EVC2: variants seen among roughly 807,000 people sequenced by gnomAD.
EVC2 encodes limbin.
EVC2 carries 148 observed loss-of-function variants against 149.3 expected under a neutral mutation model. The ratio of observed to expected loss-of-function variants is 0.99; its 90% CI spans 0.87 to 1.14. The LOEUF is 1.14. Among genes scored for constraint, EVC2 ranks in the 50% most tolerant of loss-of-function variants. The probability of loss-of-function intolerance (pLI) is 0.00; values close to 1 mark genes in which losing one functional copy is unlikely to be tolerated. For missense variants in EVC2, 1,854 were observed against 1,627.3 expected (o/e 1.14, Z -2.40); for synonymous variants, 776 against 649.9 (o/e 1.19, Z -2.95).
At chr4:5,680,313 G>A (rs997878573) in intron 7 of EVC2, among the ~76,000 whole-genome samples, 5 of 152,180 alleles carry the variant, frequency 3.3e-5, no homozygotes, top group African/African-American at 1.2e-4. Flanking sequence ...GTACATAATG[G>A]TATGTGCTAG....
At position 5,614,404 on chromosome 4, in the gene EVC2, T is replaced by A. The variant is rs563750581; in HGVS notation, c.2829+1018A>T. Among the ~76,000 whole-genome samples, 1 of 152,044 alleles carries A rather than the reference T, an allele frequency of 6.6e-6. No individual in the cohort carries two copies. Among genetic ancestry groups the A allele is most frequent in the Non-Finnish European group, 1.5e-5 (1 of 67,998 alleles). ...AACTGACACAGCGCCTGGGACACTG[T>A]TGCCTCCCCAAAATACTTGTGGAAC... On this transcript the variant is annotated intron_variant, in intron 16 of 21. Coordinates refer to ENST00000344408, the MANE Select transcript of EVC2 (RefSeq NM_147127.5). The surrounding 1 kb of genome is among the most constrained non-coding windows in gnomAD (Gnocchi z 4.7).
At position 5,637,724 on chromosome 4, in the gene EVC2, T is replaced by C. The variant is rs570531492; in HGVS notation, c.1470+2790A>G. Among the ~76,000 whole-genome samples the C allele has an allele frequency of 4.6e-5, 7 of 151,946 alleles. No individual in the cohort carries two copies. Among genetic ancestry groups the C allele is most frequent in the African/African-American group, 1.4e-4 (6 of 41,452 alleles). ...AGGCTGCCTGAGCCATCCCTGTATC[T>C]CCAGGGTTAGGTATACAATAGAAAC... On this transcript the variant is annotated intron_variant, in intron 10 of 21. Coordinates refer to ENST00000344408, the MANE Select transcript of EVC2 (RefSeq NM_147127.5). This position sits in a 1 kb window ranked among gnomAD's most constrained non-coding sequence, Gnocchi z 4.4.
At chr4:5,628,406 A>C (rs1230018601) in intron 12 of EVC2, among the ~76,000 whole-genome samples, 153 bp downstream of exon 12, 2 of 152,164 alleles carry the variant, frequency 1.3e-5, no homozygotes, top group East Asian at 3.9e-4. Context: ...TGAAGTAAGA[A>C]GGCCCTCACT....
rs888125202 is a variant in EVC2 at position 5,686,862 on chromosome 4, G to A, written c.707-1383C>T. Among the ~76,000 whole-genome samples, 7 of 152,124 alleles carry A rather than the reference G, an allele frequency of 4.6e-5. No individual in the cohort carries two copies. The East Asian group carries it at 1.4e-3, about 29-fold the overall frequency. The stretch of plus-strand genomic sequence containing the variant: ...TCCTTGGCGTAGCGGTGAGTTCACA[G>A]ATAAATATGATTTGGACACTGCCCT... On this transcript the variant is annotated intron_variant, in intron 5 of 21. Coordinates refer to ENST00000344408, the MANE Select transcript of EVC2 (RefSeq NM_147127.5). The surrounding 1 kb of genome is among the most constrained non-coding windows in gnomAD (Gnocchi z 5.4).
At chr4:5,673,690 G>A (rs1340935223) in intron 7 of EVC2, among the ~76,000 whole-genome samples, 1 of 152,212 alleles carries the variant, frequency 6.6e-6, no homozygotes, top group African/African-American at 2.4e-5. Context: ...CATTTATGAA[G>A]AGCGATGCTG....
chr4:5,606,519 A>G (rs1173177935), intron 16 of EVC2, among the ~76,000 whole-genome samples: 1 of 152,212 alleles, frequency 6.6e-6, no homozygotes, highest in South Asian at 2.1e-4. Context: ...AACTGATTCC[A>G]GGTAATTCAA....
chr4:5,670,853 TCAC>T lies in EVC2; in HGVS notation c.871-5207_871-5205del, dbSNP rs908969385. Among the ~76,000 whole-genome samples the T allele has an allele frequency of 6.6e-6, 1 of 151,860 alleles. No homozygotes were observed. The highest frequency in any genetic ancestry group is 2.4e-5 in the African/African-American group (1 of 41,320). On this transcript the variant is annotated intron_variant, in intron 7 of 21. Coordinates refer to ENST00000344408, the MANE Select transcript of EVC2 (RefSeq NM_147127.5). The surrounding 1 kb of genome is among the most constrained non-coding windows in gnomAD (Gnocchi z 5.2). ...ACTATCAACATCATCAATATCCCCATCACCACCATCATTATCAACATCATCAAT... is the reference window on the plus strand; with the variant it reads ...ACTATCAACATCATCAATATCCCCATCACCATCATTATCAACATCATCAAT...
chr4:5,689,130 C>T, intron 5 of EVC2, 27 bp downstream of exon 5: 1 of 1,612,968 alleles, frequency 6.2e-7, no homozygotes, highest in Non-Finnish European at 8.5e-7. Context: ...ATTTGTCATC[C>T]CTGACTTCAG....
Position 5,576,109 on chromosome 4 carries a change from A to G in EVC2, c.3272+131T>C, listed in dbSNP as rs776551200. 1 of 1,443,048 alleles carries G rather than the reference A, an allele frequency of 6.9e-7. No individual in the cohort carries two copies. The highest frequency in any genetic ancestry group is 9.6e-7 in the Non-Finnish European group (1 of 1,042,208). 89.4% of individuals were successfully genotyped at this position (1,443,048 alleles called of 1,614,324 possible). A position where few individuals can be genotyped will look rare whatever the true frequency, so the allele number is the denominator to read the frequency against. On this transcript the variant is annotated intron_variant, in intron 18 of 21. Transcript: ENST00000344408. The surrounding 1 kb of genome is among the most constrained non-coding windows in gnomAD (Gnocchi z 4.5). ...CTACAAAGCCAGCAGCTCGTGTTGG[A>G]GCAATGGGATGACACCTTAGGCAAG...
chr4:5,701,290 T>C (rs1029087133), intron 1 of EVC2, among the ~76,000 whole-genome samples: 1 of 152,210 alleles, frequency 6.6e-6, no homozygotes, highest in Non-Finnish European at 1.5e-5. Flanking sequence ...AATATATTCC[T>C]TATTTTAACA....
intron 9 of EVC2, among the ~76,000 whole-genome samples, chr4:5,648,033 T>C (rs1450171341): frequency 6.6e-6 from 1 of 152,176 alleles, no homozygotes; most frequent in African/African-American, 2.4e-5. Context: ...TTTTTTTTAA[T>C]TGACAAGTAA....
chr4:5,549,361 G>A (rs1008157038), intron 21 of EVC2, among the ~76,000 whole-genome samples: 2 of 152,212 alleles, frequency 1.3e-5, no homozygotes, highest in Admixed American at 1.3e-4. Flanking sequence ...TAGTAAAGAG[G>A]TTGAAGAACT....
rs1238555308 is a variant in EVC2, at chr4:5,708,435, C to T, written c.79G>A (p.Gly27Ser). ...GAGCTGGCGCCGAGACAGCCTCGGC[C>T]CCCCAGCGCCAGGGCCACTGCCAGG... ...GLLAVALALG[G>S]RGCLGASSRP... Residue 27 changes from glycine to serine, a missense_variant, in exon 1 of 22, where the codon GGC becomes AGC. Coordinates refer to ENST00000344408, the MANE Select transcript of EVC2 (RefSeq NM_147127.5). 4.0e-6 allele frequency: 6 copies of T among 1,504,584 alleles called. No individual in the cohort carries two copies. The highest frequency in any genetic ancestry group is 5.3e-6 in the Non-Finnish European group (6 of 1,134,216). 93.2% of individuals were successfully genotyped at this position (1,504,584 alleles called of 1,614,324 possible).
At chr4:5,578,011 A>G (rs777766187) in intron 17 of EVC2, among the ~76,000 whole-genome samples, 6 of 149,060 alleles carry the variant, frequency 4.0e-5, no homozygotes, top group Non-Finnish European at 5.9e-5. Flanking sequence ...CTTTTCAAGC[A>G]CCAGGAGAGC....
At chr4:5,609,545 C>A (rs925014064) in intron 16 of EVC2, among the ~76,000 whole-genome samples, 1 of 152,126 alleles carries the variant, frequency 6.6e-6, no homozygotes, top group Non-Finnish European at 1.5e-5. Context: ...CTTTGTGAGG[C>A]CTGGATCACG....
chr4:5,663,464 G>A (rs1282742975), intron 8 of EVC2, among the ~76,000 whole-genome samples: 1 of 152,198 alleles, frequency 6.6e-6, no homozygotes, highest in Non-Finnish European at 1.5e-5. Flanking sequence ...CCTGCATGAG[G>A]ATGTTGTGTG....
chr4:5,596,039 C>T (rs1713378327), intron 16 of EVC2, among the ~76,000 whole-genome samples: 1 of 152,186 alleles, frequency 6.6e-6, no homozygotes, highest in Admixed American at 6.5e-5. Flanking sequence ...TATATATGCA[C>T]CCAATACTGG....
the EVC2 span, among the ~76,000 whole-genome samples, chr4:5,536,420 C>T: frequency 6.6e-6 from 1 of 151,978 alleles, no homozygotes; most frequent in Non-Finnish European, 1.5e-5. Context: ...ACATTTGCAT[C>T]ACAAGAAACA....
intron 2 of EVC2, among the ~76,000 whole-genome samples, chr4:5,695,390 T>C (rs1353956300): frequency 2.6e-5 from 4 of 151,908 alleles, no homozygotes; most frequent in Non-Finnish European, 5.9e-5. Context: ...AATGACTCCC[T>C]TAGATTTTTC....
Sources: allele counts gnomAD v4.1 joint callset (sites outside exome capture counted in the v4.1 genomes callset), GRCh38; gene constraint gnomAD v4.1.1; non-coding constraint Gnocchi (gnomAD v3.1); transcripts MANE v1.5; gene names NCBI Gene and HGNC (gene_info 2026-07-23, HGNC 2026-07-21).